The following PCDH15 variants were observed in gnomAD, a reference collection of about 807,000 sequenced individuals.
PCDH15 encodes the protein protocadherin-15.
Under a neutral mutation model 178.5 loss-of-function variants are expected in PCDH15, and 129 were observed. That is an observed-to-expected ratio of 0.72 (90% CI 0.63 to 0.84). PCDH15 has a LOEUF of 0.84. PCDH15 is among the 40% of genes least tolerant of loss of function. The pLI is 0.00. For missense variants in PCDH15, 2,230 were observed against 2,099.9 expected (o/e 1.06, Z -1.21); for synonymous variants, 800 against 732.0 (o/e 1.09, Z -1.50).
intron 2 of PCDH15, among the ~76,000 whole-genome samples, chr10:54,973,423 G>A (rs1206188972): frequency 1.3e-5 from 2 of 152,170 alleles, no homozygotes; most frequent in African/African-American, 4.8e-5. Flanking sequence ...ACCCAAGGGT[G>A]TTTTAATTTG....
At chr10:54,233,366 G>A (rs1374367622) in intron 9 of PCDH15, among the ~76,000 whole-genome samples, 1 of 152,110 alleles carries the variant, frequency 6.6e-6, no homozygotes, top group Admixed American at 6.6e-5. Context: ...TTGTCTCAAA[G>A]TATTTTTCTG....
In PCDH15 at chr10:54,600,654, G is replaced by A. The variant is rs1046749761; in HGVS notation, c.91+63518C>T. ...GGTAGAAAATGTCACTTCACATGCC[G>A]TAATAAAGGAAGTCACCCAGAGTGA... On this transcript the variant is annotated intron_variant, in intron 2 of 37. Coordinates refer to ENST00000644397, the MANE Select transcript of PCDH15 (RefSeq NM_001384140.1). The A allele has an allele frequency of 1.4e-4, 81 of 570,128 alleles. No individual in the cohort carries two copies. In the Middle Eastern group the frequency reaches 2.7e-3, roughly 19 times the overall value. 35.3% of individuals were successfully genotyped at this position (570,128 alleles called of 1,614,324 possible).
chr10:54,603,724 GA>G (rs2092635971), intron 2 of PCDH15, among the ~76,000 whole-genome samples: 1 of 151,888 alleles, frequency 6.6e-6, no homozygotes, highest in Non-Finnish European at 1.5e-5. Flanking sequence ...CGAGGTTAAT[GA>G]AAAGCCAACA....
intron 2 of PCDH15, among the ~76,000 whole-genome samples, chr10:55,407,870 A>C (rs1056660255): frequency 1.3e-5 from 2 of 152,210 alleles, no homozygotes; most frequent in African/African-American, 4.8e-5. Flanking sequence ...TAAGACTTCA[A>C]CAAGGCCTTT....
At chr10:54,599,600 A>G in intron 2 of PCDH15, 1 of 312,232 alleles carries the variant, frequency 3.2e-6, no homozygotes, top group Non-Finnish European at 6.0e-6. Context: ...AGATCTGACA[A>G]AGATTTCATG....
intron 2 of PCDH15, among the ~76,000 whole-genome samples, chr10:55,479,477 A>T (rs1489950974): frequency 6.6e-6 from 1 of 151,676 alleles, no homozygotes; most frequent in Non-Finnish European, 1.5e-5. Flanking sequence ...CCTTTATAAT[A>T]AATATTCCCA....
chr10:54,989,343 A>T (rs1839447692), intron 2 of PCDH15, among the ~76,000 whole-genome samples: 1 of 152,204 alleles, frequency 6.6e-6, no homozygotes, highest in Admixed American at 6.5e-5. Flanking sequence ...ACTCTCCTCC[A>T]GACCCCAGAA....
At chr10:54,516,370 C>T (rs192667440) in intron 3 of PCDH15, among the ~76,000 whole-genome samples, 1 of 152,096 alleles carries the variant, frequency 6.6e-6, no homozygotes, top group Non-Finnish European at 1.5e-5. Context: ...CTTAAAGGAG[C>T]TGATGGAGCT....
At chr10:55,019,478 C>A (rs547617027) in intron 2 of PCDH15, among the ~76,000 whole-genome samples, 6 of 151,370 alleles carry the variant, frequency 4.0e-5, no homozygotes, top group Non-Finnish European at 8.8e-5. Context: ...TTTTCAAGTT[C>A]GTTTTCATAG....
chr10:55,340,295 A>G (rs1317794832), intron 2 of PCDH15, among the ~76,000 whole-genome samples: 3 of 151,568 alleles, frequency 2.0e-5, no homozygotes, highest in Non-Finnish European at 4.4e-5. Context: ...TACATTTATT[A>G]TGGTCACCAT....
intron 2 of PCDH15, among the ~76,000 whole-genome samples, chr10:55,154,962 G>C (rs1450314083): frequency 6.6e-6 from 1 of 152,080 alleles, no homozygotes; most frequent in Non-Finnish European, 1.5e-5. Context: ...TGAACTTGTT[G>C]TGACATTAAC....
At chr10:55,050,772 A>G (rs1841142769) in intron 2 of PCDH15, among the ~76,000 whole-genome samples, 1 of 152,080 alleles carries the variant, frequency 6.6e-6, no homozygotes, top group African/African-American at 2.4e-5. Flanking sequence ...TGAAAATCCT[A>G]CAGTACCCAA....
chr10:54,045,482 G>T (rs992016207), intron 18 of PCDH15, among the ~76,000 whole-genome samples: 2 of 152,036 alleles, frequency 1.3e-5, no homozygotes, highest in Non-Finnish European at 2.9e-5. Flanking sequence ...GCTCTGCTAG[G>T]TATCAAGACT....
At chr10:54,238,590 T>C (rs2134410753) in intron 8 of PCDH15, among the ~76,000 whole-genome samples, 1 of 151,482 alleles carries the variant, frequency 6.6e-6, no homozygotes, top group Admixed American at 6.6e-5. Context: ...ATATCAAAAT[T>C]ACTCCATTAA....
chr10:53,900,106 T>A (rs1421307681), intron 26 of PCDH15, among the ~76,000 whole-genome samples: 8 of 152,146 alleles, frequency 5.3e-5, no homozygotes, highest in Admixed American at 5.2e-4. Flanking sequence ...AACTGAAATG[T>A]TTTCTTCCTT....
At chr10:54,219,108 CAAAAAA>C (rs1275399406) in intron 9 of PCDH15, among the ~76,000 whole-genome samples, 1 of 77,160 alleles carries the variant, frequency 1.3e-5, no homozygotes, top group Non-Finnish European at 2.5e-5. Context: ...AAAAAAAAAA[CAAAAAA>C]AAAACAAAAA....
chr10:54,540,626 AAGG>A (rs771077995), intron 2 of PCDH15, among the ~76,000 whole-genome samples: 52 of 152,136 alleles, frequency 3.4e-4, no homozygotes, highest in Non-Finnish European at 6.5e-4. Context: ...CCAAAATATC[AAGG>A]AGGAGAGACT....
At chr10:55,281,065 A>G (rs1264173495) in intron 1 of PCDH15, among the ~76,000 whole-genome samples, 2 of 152,206 alleles carry the variant, frequency 1.3e-5, no homozygotes. Flanking sequence ...TTAGTAAAAG[A>G]ATATCTGCAA....
At chr10:54,502,989 T>A (rs1051885431) in intron 3 of PCDH15, among the ~76,000 whole-genome samples, 8 of 152,128 alleles carry the variant, frequency 5.3e-5, no homozygotes, top group African/African-American at 1.9e-4. Flanking sequence ...TTATGCTTTT[T>A]CTAAATGTAA....
Sources: gnomAD v4.1 joint callset for allele counts (sites outside exome capture counted in the v4.1 genomes callset) on GRCh38, gnomAD v4.1.1 for gene constraint, MANE v1.5 for transcripts, NCBI Gene and HGNC (gene_info 2026-07-23, HGNC 2026-07-21) for gene names.